Variants in CYSLTR2 observed in about 807,000 individuals in gnomAD.
CYSLTR2 encodes G-protein coupled receptor GPCR21.
For synonymous variants in CYSLTR2, 179 were observed against 160.8 expected (o/e 1.11, Z -0.86); for missense variants, 398 against 411.9 (o/e 0.97, Z 0.29).
intron 1 of CYSLTR2, among the ~76,000 whole-genome samples, chr13:48,660,716 T>C (rs1953107214): frequency 6.6e-6 from 1 of 152,196 alleles, no homozygotes. Flanking sequence ...CACAAGACCG[T>C]TCTTGGAAGG....
intron 1 of CYSLTR2, among the ~76,000 whole-genome samples, chr13:48,669,638 A>C (rs900337215): frequency 7.4e-4 from 113 of 152,330 alleles, no homozygotes; most frequent in African/African-American, 2.6e-3. Flanking sequence ...ATAGTATTCC[A>C]TGGTGTATAT....
rs1012003418 is a variant in CYSLTR2, at chr13:48,707,122, C to T, written c.305C>T (p.Ser102Phe). Residue 102 changes from serine (S) to phenylalanine (F), a missense_variant, in exon 5 of 5, where the codon TCC becomes TTC. Transcript: ENST00000682523. ...PFRADYYLRG[S>F]NWIFGDLACR... is the part of the protein sequence containing the mutation. ...AGGGCTGACTATTATCTTAGAGGCT[C>T]CAATTGGATATTTGGAGACCTGGCC... The T allele has an allele frequency of 5.0e-6, 8 of 1,614,028 alleles. No individual in the cohort carries two copies. Among genetic ancestry groups the T allele is most frequent in the Non-Finnish European group, 6.8e-6 (8 of 1,180,042 alleles).
chr13:48,658,177 G>T (rs1953044538), intron 1 of CYSLTR2, among the ~76,000 whole-genome samples: 1 of 152,116 alleles, frequency 6.6e-6, no homozygotes, highest in Non-Finnish European at 1.5e-5. Context: ...GATATAAAGG[G>T]TGCTGCTTCC....
At chr13:48,692,829 T>C (rs147116268) in intron 2 of CYSLTR2, among the ~76,000 whole-genome samples, 4 of 151,458 alleles carry the variant, frequency 2.6e-5, no homozygotes, top group Non-Finnish European at 5.9e-5. Flanking sequence ...AAATATATGA[T>C]GTCATTCAAA....
chr13:48,696,657 G>C (rs944293334), intron 4 of CYSLTR2, 31 bp downstream of exon 4: 1 of 152,232 alleles, frequency 6.6e-6, no homozygotes. Context: ...GGGCTTGTCA[G>C]ACAGTGGGTG....
Position 48,707,619 on chromosome 13 carries a change from A to G in CYSLTR2, c.802A>G (p.Thr268Ala), listed in dbSNP as rs758106094. 1 of 1,612,910 alleles carries G rather than the reference A, an allele frequency of 6.2e-7. No homozygotes were observed. ...TTTCCTGCCCTATCACACACTGAGG[A>G]CCGTCCACTTGACGACATGGAAAGT... ...LCFLPYHTLR[T>A]VHLTTWKVGL... Residue 268 changes from threonine to alanine, a missense_variant, in exon 5 of 5, where the codon ACC becomes GCC. Coordinates refer to ENST00000682523, the MANE Select transcript of CYSLTR2 (RefSeq NM_001308476.3).
rs535657121 is a variant in CYSLTR2, at chr13:48,709,451, C to T, written c.*1593C>T. On this transcript the variant is annotated 3_prime_UTR_variant, in exon 5 of 5. Transcript: ENST00000682523. ...TCAAGACAGGACCCTGGAGGATCCT[C>T]CTATGGGGAAACTGCATAATCTGAA... 6.1e-6 allele frequency: 1 copy of T among 164,958 alleles called. No individual in the cohort carries two copies. The highest frequency in any genetic ancestry group is 1.9e-4 in the East Asian group (1 of 5,180). The allele number at this position is 164,958 out of a possible 1,614,324, so 10.2% of individuals were successfully genotyped here.
At position 48,710,008 on chromosome 13, in the gene CYSLTR2, A is replaced by G. The variant is rs1954598244; in HGVS notation, c.*2150A>G. 1 of 152,248 alleles carries G rather than the reference A, an allele frequency of 6.6e-6. No homozygotes were observed. The highest frequency in any genetic ancestry group is 2.1e-4 in the South Asian group (1 of 4,826). The allele number at this position is 152,248 out of a possible 1,614,324, so 9.4% of individuals were successfully genotyped here. A position where few individuals can be genotyped will look rare whatever the true frequency, so the allele number is the denominator to read the frequency against. On this transcript the variant is annotated 3_prime_UTR_variant, in exon 5 of 5. Coordinates refer to ENST00000682523, the MANE Select transcript of CYSLTR2 (RefSeq NM_001308476.3). ...CTAGTCGTAAATACATAGAAAAATA[A>G]GCAAGTAAAAACGCAATACAGTTTT...
intron 3 of CYSLTR2, among the ~76,000 whole-genome samples, chr13:48,694,400 T>C (rs949219353): frequency 6.6e-6 from 1 of 152,186 alleles, no homozygotes; most frequent in Non-Finnish European, 1.5e-5. Context: ...CTTAGGACAA[T>C]AGACAGATCA....
chr13:48,671,195 G>T (rs1953420027), intron 1 of CYSLTR2, among the ~76,000 whole-genome samples: 1 of 152,044 alleles, frequency 6.6e-6, no homozygotes, highest in African/African-American at 2.4e-5. Context: ...ATAGGGTTTT[G>T]TAAATATACA....
At chr13:48,688,543 T>A (rs957690075) in intron 1 of CYSLTR2, among the ~76,000 whole-genome samples, 1 of 152,230 alleles carries the variant, frequency 6.6e-6, no homozygotes, top group African/African-American at 2.4e-5. Context: ...TTGCTGAGAA[T>A]GATGGTTTCC....
intron 1 of CYSLTR2, among the ~76,000 whole-genome samples, chr13:48,660,331 A>C (rs916350463): frequency 1.3e-5 from 2 of 152,190 alleles, no homozygotes; most frequent in Non-Finnish European, 2.9e-5. Context: ...ATCTGCCAGA[A>C]AACTCTTCAC....
At chr13:48,689,478 C>A (rs1299491767) in intron 1 of CYSLTR2, among the ~76,000 whole-genome samples, 14 of 152,132 alleles carry the variant, frequency 9.2e-5, no homozygotes. Flanking sequence ...ATATGGCTAG[C>A]CAGTTTTTCC....
At chr13:48,658,731 A>G (rs1372689747) in intron 1 of CYSLTR2, among the ~76,000 whole-genome samples, 1 of 152,226 alleles carries the variant, frequency 6.6e-6, no homozygotes, top group African/African-American at 2.4e-5. Flanking sequence ...GAAATGGGCA[A>G]GAGAGAGCCT....
chr13:48,679,439 TGG>T (rs1953690881), intron 1 of CYSLTR2, among the ~76,000 whole-genome samples: 1 of 152,184 alleles, frequency 6.6e-6, no homozygotes, highest in Non-Finnish European at 1.5e-5. Context: ...TGAGTATATG[TGG>T]CACAGAGAAG....
chr13:48,662,329 C>T (rs1953150996), intron 1 of CYSLTR2, among the ~76,000 whole-genome samples: 1 of 152,128 alleles, frequency 6.6e-6, no homozygotes, highest in Admixed American at 6.6e-5. Context: ...TCAGTGCAGA[C>T]ATCTCTTAGG....
At position 48,707,046 on chromosome 13, in the gene CYSLTR2, A is replaced by T. The variant is rs777685667; in HGVS notation, c.229A>T (p.Met77Leu). ...GAAGTCCACATCTGTGAACGTTTTC[A>T]TGCTAAATCTGGCCATTTCAGATCT... The part of the protein sequence containing the change: ...YKKSTSVNVF[M>L]LNLAISDLLF... The change falls in exon 5 of 5, where the codon ATG (methionine) becomes TTG (leucine). Residue 77 changes from methionine (M) to leucine (L), a missense_variant. Coordinates refer to ENST00000682523, the MANE Select transcript of CYSLTR2 (RefSeq NM_001308476.3). The T allele has an allele frequency of 1.2e-5, 20 of 1,614,082 alleles. No individual in the cohort carries two copies. Among genetic ancestry groups the T allele is most frequent in the Admixed American group, 3.3e-5 (2 of 60,010 alleles).
chr13:48,661,256 T>C (rs750574608), intron 1 of CYSLTR2, among the ~76,000 whole-genome samples: 11 of 152,000 alleles, frequency 7.2e-5, no homozygotes, highest in Admixed American at 1.3e-4. Flanking sequence ...CTGGCCGCAT[T>C]ACCCCCTTTT....
At chr13:48,676,171 G>T (rs771163229) in intron 1 of CYSLTR2, among the ~76,000 whole-genome samples, 21 of 152,164 alleles carry the variant, frequency 1.4e-4, no homozygotes, top group Non-Finnish European at 2.8e-4. Context: ...TCTATCCAAG[G>T]TCACCTACTT....
Sources: gnomAD v4.1 joint callset for allele counts (sites outside exome capture counted in the v4.1 genomes callset) on GRCh38, gnomAD v4.1.1 for gene constraint, MANE v1.5 for transcripts, NCBI Gene and HGNC (gene_info 2026-07-23, HGNC 2026-07-21) for gene names.